LHFPL3: variants seen among roughly 807,000 people sequenced by gnomAD.
LHFPL3 encodes LHFPL tetraspan subfamily member 3 protein.
In LHFPL3, 5 loss-of-function variants were observed where a neutral mutation model predicts 19.3. That is an observed-to-expected ratio of 0.26 (90% CI 0.14 to 0.54). LHFPL3 has a LOEUF of 0.54. LHFPL3 is among the 20% of genes least tolerant of loss of function. The probability of loss-of-function intolerance (pLI) is 0.94; values close to 1 mark genes in which losing one functional copy is unlikely to be tolerated. For synonymous variants in LHFPL3, 133 were observed against 126.2 expected, an observed-to-expected ratio of 1.05 and a Z score of -0.36; for missense variants, 249 against 307.4, an observed-to-expected ratio of 0.81 and a Z score of 1.42.
At chr7:104,403,835 A>G (rs549406679) in intron 1 of LHFPL3, among the ~76,000 whole-genome samples, 18 of 152,222 alleles carry the variant, frequency 1.2e-4, no homozygotes, top group Non-Finnish European at 1.5e-5. Context: ...AGCAAACTAC[A>G]GTAACCAAGC....
intron 1 of LHFPL3, among the ~76,000 whole-genome samples, chr7:104,369,906 G>A (rs1233778787): frequency 6.6e-6 from 1 of 152,144 alleles, no homozygotes; most frequent in African/African-American, 2.4e-5. Context: ...CTAAATATAA[G>A]TCATTTATGA....
chr7:104,579,985 T>C (rs1584415158), intron 1 of LHFPL3, among the ~76,000 whole-genome samples: 1 of 152,306 alleles, frequency 6.6e-6, no homozygotes, highest in African/African-American at 2.4e-5. Context: ...CTCTTTGTAA[T>C]GGAATTCTTA....
intron 1 of LHFPL3, among the ~76,000 whole-genome samples, chr7:104,400,168 A>G (rs1381366096): frequency 7.0e-6 from 1 of 142,202 alleles, no homozygotes; most frequent in Non-Finnish European, 1.5e-5. Context: ...GAGAGCTGAA[A>G]TTTGACCTTC....
chr7:104,580,567 C>G (rs973661768), intron 1 of LHFPL3, among the ~76,000 whole-genome samples: 1 of 152,034 alleles, frequency 6.6e-6, no homozygotes, highest in Non-Finnish European at 1.5e-5. Flanking sequence ...TTCAATATTT[C>G]ATTATAATGT....
chr7:104,500,253 A>C (rs1167779782), intron 1 of LHFPL3, among the ~76,000 whole-genome samples: 1 of 152,232 alleles, frequency 6.6e-6, no homozygotes, highest in Admixed American at 6.5e-5. Flanking sequence ...TTATTTCAAC[A>C]AACTGACAAT....
chr7:104,759,465 A>C (rs1794338954), intron 2 of LHFPL3, among the ~76,000 whole-genome samples: 1 of 152,174 alleles, frequency 6.6e-6, no homozygotes. Context: ...AAAAATTATA[A>C]ATTAAATTTT....
chr7:104,887,514 G>C (rs1792171856), intron 2 of LHFPL3, among the ~76,000 whole-genome samples: 1 of 152,252 alleles, frequency 6.6e-6, no homozygotes, highest in African/African-American at 2.4e-5. Context: ...ATCAGTCATT[G>C]ACTGAGGACT....
intron 1 of LHFPL3, among the ~76,000 whole-genome samples, chr7:104,464,258 C>G (rs958889046): frequency 2.6e-5 from 4 of 152,224 alleles, no homozygotes; most frequent in African/African-American, 9.6e-5. Context: ...GCAGCTCTGC[C>G]CCTGTGTCTT....
chr7:104,593,664 T>C (rs202128663), intron 1 of LHFPL3, among the ~76,000 whole-genome samples: 73 of 152,226 alleles, frequency 4.8e-4, no homozygotes, highest in African/African-American at 1.6e-3. Flanking sequence ...TTATTATTGT[T>C]TGGGAGTCTA....
intron 1 of LHFPL3, among the ~76,000 whole-genome samples, chr7:104,383,751 A>T (rs1288629054): frequency 6.6e-6 from 1 of 152,198 alleles, no homozygotes; most frequent in African/African-American, 2.4e-5. Flanking sequence ...AAAAGCTGCA[A>T]ATTAATAAGA....
At chr7:104,504,964 A>G (rs536543876) in intron 1 of LHFPL3, among the ~76,000 whole-genome samples, 41 of 152,282 alleles carry the variant, frequency 2.7e-4, no homozygotes, top group African/African-American at 9.6e-4. Context: ...TGGCAAACTC[A>G]CACTGCTTGT....
At chr7:104,811,912 T>G (rs926857267) in intron 2 of LHFPL3, among the ~76,000 whole-genome samples, 1 of 152,214 alleles carries the variant, frequency 6.6e-6, no homozygotes, top group Non-Finnish European at 1.5e-5. Flanking sequence ...ATTTGCAAAG[T>G]AAGTCTGCTG....
chr7:104,906,076 G>T, intron 2 of LHFPL3, 111 bp from the exon 3 acceptor site: 1 of 980,332 alleles, frequency 1.0e-6, no homozygotes, highest in Non-Finnish European at 1.6e-6. Context: ...ACCATTCATT[G>T]GTATAGTTTT....
intron 2 of LHFPL3, among the ~76,000 whole-genome samples, chr7:104,853,773 T>C (rs1791453172): frequency 6.6e-6 from 1 of 152,224 alleles, no homozygotes; most frequent in South Asian, 2.1e-4. Context: ...CTGCAAATTA[T>C]GTAGCTGGTC....
intron 1 of LHFPL3, among the ~76,000 whole-genome samples, chr7:104,468,898 A>T (rs1792848858): frequency 6.6e-6 from 1 of 152,026 alleles, no homozygotes; most frequent in Non-Finnish European, 1.5e-5. Flanking sequence ...TGACCTCATG[A>T]TCCGCCTGCC....
At chr7:104,361,796 G>C (rs1790394219) in intron 1 of LHFPL3, among the ~76,000 whole-genome samples, 4 of 152,182 alleles carry the variant, frequency 2.6e-5, no homozygotes, top group Admixed American at 2.6e-4. Flanking sequence ...GGTAATCTTG[G>C]AGTAATGAGA....
intron 2 of LHFPL3, among the ~76,000 whole-genome samples, chr7:104,782,738 T>G (rs1366825953): frequency 6.6e-6 from 1 of 152,144 alleles, no homozygotes. Flanking sequence ...GCCAACTAGG[T>G]CCTTTGTGAT....
At chr7:104,617,511 T>C (rs1472241977) in intron 1 of LHFPL3, among the ~76,000 whole-genome samples, 3 of 152,206 alleles carry the variant, frequency 2.0e-5, no homozygotes, top group Non-Finnish European at 4.4e-5. Context: ...TTTCGCTAGA[T>C]GACTTATATT....
At chr7:104,880,237 A>G (rs1408031033) in intron 2 of LHFPL3, among the ~76,000 whole-genome samples, 1 of 152,158 alleles carries the variant, frequency 6.6e-6, no homozygotes, top group Non-Finnish European at 1.5e-5. Flanking sequence ...CTCTAAGTTC[A>G]CATGAGATCT....
Sources: allele counts gnomAD v4.1 joint callset (sites outside exome capture counted in the v4.1 genomes callset), GRCh38; gene constraint gnomAD v4.1.1; transcripts MANE v1.5; gene names NCBI Gene and HGNC (gene_info 2026-07-23, HGNC 2026-07-21).